Variants in GABRG2 observed in about 807,000 individuals in gnomAD.
GABRG2 encodes the protein gamma-aminobutyric acid type A receptor subunit gamma2, also known as gamma-aminobutyric acid receptor subunit gamma-2.
In GABRG2, 16 loss-of-function variants were observed where a neutral mutation model predicts 56.4. The ratio of observed to expected loss-of-function variants is 0.28; its 90% CI spans 0.19 to 0.43. The LOEUF (loss-of-function observed/expected upper bound fraction) is 0.43, where lower values mean the gene tolerates loss of function less well. Ranked by LOEUF, GABRG2 falls within the 20% of genes least tolerant of loss-of-function variation. GABRG2 has a pLI of 1.00. For missense variants in GABRG2, 327 were observed against 582.7 expected, an observed-to-expected ratio of 0.56 and a Z score of 4.52; for synonymous variants, 208 against 205.5, an observed-to-expected ratio of 1.01 and a Z score of -0.10.
chr5:162,105,764 G>T (rs1475477794), intron 6 of GABRG2, among the ~76,000 whole-genome samples: 1 of 151,138 alleles, frequency 6.6e-6, no homozygotes. Context: ...AAAAGGAAAA[G>T]TTCAGGATTG....
chr5:162,069,272 C>A (rs904018174), intron 1 of GABRG2, among the ~76,000 whole-genome samples: 1 of 152,120 alleles, frequency 6.6e-6, no homozygotes, highest in Non-Finnish European at 1.5e-5. Flanking sequence ...TACTTGCATT[C>A]TTCTATACTT....
chr5:162,151,813 C>T, intron 9 of GABRG2, 60 bp downstream of exon 9: 1 of 1,399,550 alleles, frequency 7.1e-7, no homozygotes, highest in South Asian at 1.2e-5. Flanking sequence ...ACTATTAATG[C>T]TTACATGGTG....
At chr5:162,113,824 G>A (rs373861754) in intron 6 of GABRG2, among the ~76,000 whole-genome samples, 1 of 152,158 alleles carries the variant, frequency 6.6e-6, no homozygotes, top group Non-Finnish European at 1.5e-5. Context: ...AATTGTAATC[G>A]CCTACTGATC....
At chr5:162,069,141 A>G (rs1758469136) in intron 1 of GABRG2, among the ~76,000 whole-genome samples, 1 of 152,180 alleles carries the variant, frequency 6.6e-6, no homozygotes, top group African/African-American at 2.4e-5. Flanking sequence ...AGCTAAGAGT[A>G]TTAGAGGAGC....
intron 9 of GABRG2, chr5:162,152,389 A>G: frequency 2.3e-6 from 1 of 427,028 alleles, no homozygotes; most frequent in Non-Finnish European, 4.6e-6. Context: ...ATTAACATTA[A>G]ATATATCATT....
At position 162,083,899 on chromosome 5, in the gene GABRG2, A is replaced by G. The variant is rs73304523; in HGVS notation, c.108-9929A>G. On this transcript the variant is annotated intron_variant, in intron 1 of 9. Coordinates refer to ENST00000639213, the MANE Select transcript of GABRG2 (RefSeq NM_198904.4). Reference sequence around the variant, plus strand: ...GGTCATTTATGACTGAACTTTTTTCATAAAACAAAGTATTTTTTCAGTAAA... The same window carrying G: ...GGTCATTTATGACTGAACTTTTTTCGTAAAACAAAGTATTTTTTCAGTAAA... Among the ~76,000 whole-genome samples, 255 of 152,002 alleles carry G rather than the reference A, an allele frequency of 1.7e-3. 1 individual carries two copies. The highest frequency in any genetic ancestry group is 5.8e-3 in the African/African-American group (240 of 41,554).
At chr5:162,135,942 G>A (rs1025157640) in intron 6 of GABRG2, among the ~76,000 whole-genome samples, 1 of 152,164 alleles carries the variant, frequency 6.6e-6, no homozygotes, top group African/African-American at 2.4e-5. Context: ...GAATTTTAGT[G>A]TGACCTGATA....
chr5:162,135,134 T>C (rs1764029142), intron 6 of GABRG2, among the ~76,000 whole-genome samples: 1 of 152,158 alleles, frequency 6.6e-6, no homozygotes, highest in African/African-American at 2.4e-5. Flanking sequence ...CTTTCACTAA[T>C]TGGATCTGGC....
At chr5:162,104,854 G>A (rs1761685377) in intron 6 of GABRG2, among the ~76,000 whole-genome samples, 1 of 152,146 alleles carries the variant, frequency 6.6e-6, no homozygotes, top group Admixed American at 6.5e-5. Flanking sequence ...TGTCGGGCAA[G>A]TTAGATATGT....
chr5:162,139,725 A>C (rs1173162333), intron 6 of GABRG2, among the ~76,000 whole-genome samples: 3 of 152,250 alleles, frequency 2.0e-5, no homozygotes, highest in Non-Finnish European at 4.4e-5. Context: ...AGAAGTTACT[A>C]AAATTGTCTA....
At chr5:162,105,095 C>A (rs566342996) in intron 6 of GABRG2, among the ~76,000 whole-genome samples, 1 of 152,176 alleles carries the variant, frequency 6.6e-6, no homozygotes, top group South Asian at 2.1e-4. Context: ...GTCACAAACA[C>A]CTGATTATTT....
chr5:162,115,977 C>G (rs1221929132), intron 6 of GABRG2, among the ~76,000 whole-genome samples: 1 of 151,968 alleles, frequency 6.6e-6, no homozygotes, highest in East Asian at 1.9e-4. Flanking sequence ...GTACAACCAA[C>G]CTTGTAGAAA....
chr5:162,136,350 T>A (rs1363883489), intron 6 of GABRG2, among the ~76,000 whole-genome samples: 1 of 152,186 alleles, frequency 6.6e-6, no homozygotes, highest in African/African-American at 2.4e-5. Flanking sequence ...TACATGTAGC[T>A]CTCGCGCACT....
chr5:162,086,768 G>T (rs1760153156), intron 1 of GABRG2, among the ~76,000 whole-genome samples: 1 of 151,910 alleles, frequency 6.6e-6, no homozygotes, highest in African/African-American at 2.4e-5. Context: ...TTTGCTGCAT[G>T]TAGCAATATT....
At chr5:162,135,859 GAGTCCGGGAATAT>G (rs1764086373) in intron 6 of GABRG2, among the ~76,000 whole-genome samples, 1 of 151,978 alleles carries the variant, frequency 6.6e-6, no homozygotes, top group South Asian at 2.1e-4. Context: ...TATTTAATAT[GAGTCCGGGAATAT>G]AGTGAGGGAA....
rs372884176 is a variant in GABRG2 at position 162,153,086 on chromosome 5, G to A, written c.1153-7G>A. On this transcript the variant is annotated splice_region_variant and splice_polypyrimidine_tract_variant and intron_variant, in intron 9 of 9. Transcript: ENST00000639213. ...CTGATCCCTCTCCTTCCCTACCCTC[G>A]TCCCAGGCCCCTACCATTGATATCC... The A allele has an allele frequency of 3.8e-5, 61 of 1,613,682 alleles. No homozygotes were observed. The highest frequency in any genetic ancestry group is 3.3e-4 in the Middle Eastern group (2 of 6,062).
At chr5:162,073,207 T>C (rs563716695) in intron 1 of GABRG2, among the ~76,000 whole-genome samples, 22 of 152,054 alleles carry the variant, frequency 1.4e-4, no homozygotes, top group Non-Finnish European at 2.8e-4. Context: ...TATTACATTA[T>C]GTTTTTTTGT....
intron 6 of GABRG2, among the ~76,000 whole-genome samples, chr5:162,134,308 ACTTT>A (rs1763964265): frequency 6.6e-6 from 1 of 151,240 alleles, no homozygotes; most frequent in Admixed American, 6.6e-5. Flanking sequence ...ATTCTAAGAC[ACTTT>A]CTAACTCTCT....
intron 3 of GABRG2, among the ~76,000 whole-genome samples, chr5:162,096,241 G>T (rs1760986926): frequency 6.6e-6 from 1 of 151,946 alleles, no homozygotes; most frequent in Non-Finnish European, 1.5e-5. Flanking sequence ...TAATAAGTTT[G>T]CTTGTTTAGT....
Sources: gnomAD v4.1 joint callset for allele counts (sites outside exome capture counted in the v4.1 genomes callset) on GRCh38, gnomAD v4.1.1 for gene constraint, MANE v1.5 for transcripts, NCBI Gene and HGNC (gene_info 2026-07-23, HGNC 2026-07-21) for gene names.